The following ULK4 variants were observed in gnomAD, a reference collection of about 807,000 sequenced individuals.
ULK4 encodes the protein inactive serine/threonine-protein kinase ULK4.
Under a neutral mutation model 160.6 loss-of-function variants are expected in ULK4, and 133 were observed. That is an observed-to-expected ratio of 0.83 (90% CI 0.72 to 0.96). ULK4 has a LOEUF of 0.96. Ranked by LOEUF, ULK4 falls within the 40% of genes least tolerant of loss-of-function variation. ULK4 has a pLI of 0.00. For missense variants in ULK4, 1,580 were observed against 1,499.5 expected (o/e 1.05, Z -0.89); for synonymous variants, 534 against 539.8 (o/e 0.99, Z 0.15).
intron 18 of ULK4, among the ~76,000 whole-genome samples, chr3:41,826,837 C>T (rs2041374176): frequency 6.9e-6 from 1 of 144,028 alleles, no homozygotes; most frequent in African/African-American, 2.8e-5. Context: ...ACTCTCCACC[C>T]CAAATCAACA....
chr3:41,902,749 T>C (rs1052312257), intron 12 of ULK4, among the ~76,000 whole-genome samples: 12 of 152,116 alleles, frequency 7.9e-5, no homozygotes, highest in Non-Finnish European at 1.2e-4. Context: ...AGATGGACTT[T>C]AAAGGCAAAA....
At chr3:41,419,452 G>A (rs1423594952) in intron 34 of ULK4, among the ~76,000 whole-genome samples, 1 of 152,178 alleles carries the variant, frequency 6.6e-6, no homozygotes, top group African/African-American at 2.4e-5. Context: ...ATGGAGTTCA[G>A]GGGACAGGTC....
intron 12 of ULK4, among the ~76,000 whole-genome samples, chr3:41,902,640 A>C (rs1698416934): frequency 2.0e-5 from 3 of 151,634 alleles, no homozygotes; most frequent in Admixed American, 2.0e-4. Context: ...GTTTAAAACA[A>C]GAAAATCTAA....
chr3:41,576,898 G>C (rs1406703181), intron 31 of ULK4, among the ~76,000 whole-genome samples: 1 of 152,116 alleles, frequency 6.6e-6, no homozygotes, highest in African/African-American at 2.4e-5. Flanking sequence ...TTCTGTAAAA[G>C]ATAACTGCTC....
At chr3:41,445,582 C>G (rs890157805) in intron 34 of ULK4, among the ~76,000 whole-genome samples, 1 of 151,958 alleles carries the variant, frequency 6.6e-6, no homozygotes, top group Admixed American at 6.6e-5. Flanking sequence ...TATCTACAAC[C>G]ATCTGATCTT....
chr3:41,733,759 G>GAGT lies in ULK4; in HGVS notation c.2322-15901_2322-15899dup, dbSNP rs1432284836. Among the ~76,000 whole-genome samples the GAGT allele has an allele frequency of 4.8e-3, 506 of 104,452 alleles. 4 individuals are homozygous for GAGT. The highest frequency in any genetic ancestry group is 0.021 in the African/African-American group (436 of 20,676). 68.5% of individuals were successfully genotyped at this position (104,452 alleles called of 152,430 possible). On this transcript the variant is annotated intron_variant, in intron 22 of 36. Coordinates refer to ENST00000301831, the MANE Select transcript of ULK4 (RefSeq NM_017886.4). ...TTTTTTTTTTTTTTTTTTTTAGACA[G>GAGT]AGTCTCATCCTGTCTCCCAGGCTGG...
chr3:41,715,696 C>CTGCTTATT, intron 23 of ULK4, 128 bp from the exon 24 acceptor site: 1 of 1,229,414 alleles, frequency 8.1e-7, no homozygotes, highest in Non-Finnish European at 1.1e-6. Flanking sequence ...AGCAGATATA[C>CTGCTTATT]TTATTCACAA....
chr3:41,609,377 C>T (rs187399555), intron 31 of ULK4, among the ~76,000 whole-genome samples: 30 of 152,132 alleles, frequency 2.0e-4, no homozygotes, highest in Non-Finnish European at 3.7e-4. Flanking sequence ...AGATTGTACC[C>T]GAGCCCAAGA....
At position 41,780,181 on chromosome 3, in the gene ULK4, C is replaced by T. The variant is rs1023651300; in HGVS notation, c.2193+9480G>A. On this transcript the variant is annotated intron_variant, in intron 21 of 36. Coordinates refer to ENST00000301831, the MANE Select transcript of ULK4 (RefSeq NM_017886.4). ...ACAAAAAAAAAGCCGAGTGTGGTGG[C>T]ACACACCTGTGGTCCCAGCCACCCT... Among the ~76,000 whole-genome samples the T allele has an allele frequency of 7.9e-5, 12 of 151,538 alleles. 1 individual carries two copies. The highest frequency in any genetic ancestry group is 1.8e-4 in the Non-Finnish European group (12 of 67,856).
intron 22 of ULK4, among the ~76,000 whole-genome samples, chr3:41,726,642 G>A (rs955768717): frequency 6.6e-6 from 1 of 152,124 alleles, no homozygotes; most frequent in Non-Finnish European, 1.5e-5. Context: ...TTGAGACAGA[G>A]TCTTACTCCA....
chr3:41,377,701 G>T (rs1198963262), intron 35 of ULK4, among the ~76,000 whole-genome samples: 3 of 147,366 alleles, frequency 2.0e-5, no homozygotes, highest in Admixed American at 1.4e-4. Context: ...TTAGAATGGC[G>T]ATCATTAAAA....
intron 32 of ULK4, among the ~76,000 whole-genome samples, chr3:41,464,103 T>C (rs1396560386): frequency 6.6e-6 from 1 of 152,070 alleles, no homozygotes; most frequent in African/African-American, 2.4e-5. Context: ...TTAAAAGCTA[T>C]ATTTTACTGG....
intron 30 of ULK4, among the ~76,000 whole-genome samples, chr3:41,642,754 A>C (rs898650365): frequency 2.6e-5 from 4 of 152,180 alleles, no homozygotes; most frequent in Non-Finnish European, 5.9e-5. Context: ...AGATCCCTGA[A>C]GAATCACCAC....
chr3:41,436,384 C>T (rs899101497), intron 34 of ULK4, among the ~76,000 whole-genome samples: 16 of 152,132 alleles, frequency 1.1e-4, no homozygotes, highest in African/African-American at 3.4e-4. Context: ...TTTTTAAAAA[C>T]GCCATACTAT....
At chr3:41,717,092 T>A (rs994971710) in intron 23 of ULK4, among the ~76,000 whole-genome samples, 1 of 152,078 alleles carries the variant, frequency 6.6e-6, no homozygotes, top group Non-Finnish European at 1.5e-5. Context: ...TCAAAGGGTA[T>A]GAACATACAG....
chr3:41,773,733 T>C (rs888111653), intron 21 of ULK4, among the ~76,000 whole-genome samples: 1 of 152,146 alleles, frequency 6.6e-6, no homozygotes, highest in East Asian at 1.9e-4. Context: ...TTCAAGTTCA[T>C]ATGGAACCAA....
intron 34 of ULK4, among the ~76,000 whole-genome samples, chr3:41,450,897 T>C (rs1296912252): frequency 6.6e-6 from 1 of 152,208 alleles, no homozygotes. Context: ...TTGTACACAA[T>C]GCAGCCTACA....
intron 27 of ULK4, 27 bp downstream of exon 27, chr3:41,705,030 C>CT: frequency 6.4e-7 from 1 of 1,569,328 alleles, no homozygotes; most frequent in South Asian, 1.2e-5. Context: ...TTAAAAGGAG[C>CT]TTTTTTCAAA....
At chr3:41,891,814 A>G (rs1330461801) in intron 16 of ULK4, among the ~76,000 whole-genome samples, 1 of 152,208 alleles carries the variant, frequency 6.6e-6, no homozygotes, top group Non-Finnish European at 1.5e-5. Context: ...CTGAAGCAGA[A>G]GAATCACTTG....
Sources: allele counts gnomAD v4.1 joint callset (sites outside exome capture counted in the v4.1 genomes callset), GRCh38; gene constraint gnomAD v4.1.1; transcripts MANE v1.5; gene names NCBI Gene and HGNC (gene_info 2026-07-23, HGNC 2026-07-21).